Variants in VWA3B observed in about 807,000 individuals in gnomAD.
VWA3B encodes von Willebrand factor A domain-containing protein 3B.
Under a neutral mutation model 158.3 loss-of-function variants are expected in VWA3B, and 138 were observed. That is an observed-to-expected ratio of 0.87 (90% CI 0.76 to 1.00). VWA3B has a LOEUF of 1.00. VWA3B is among the 50% of genes least tolerant of loss of function. The pLI is 0.00. For synonymous variants in VWA3B, 596 were observed against 587.3 expected (o/e 1.01, Z -0.21); for missense variants, 1,555 against 1,565.1 (o/e 0.99, Z 0.11).
rs1681212159 is a variant in VWA3B at position 98,187,689 on chromosome 2, TGTG to T, written c.1312-285_1312-283del. ...CTGTGTGTGTGTGTGTGTGTGTGTGTGTGTGTGTGTGTGTCGGTTGGGGGTGTC... is the reference window on the plus strand; with the variant it reads ...CTGTGTGTGTGTGTGTGTGTGTGTGTTGTGTGTGTGTCGGTTGGGGGTGTC... On this transcript the variant is annotated intron_variant, in intron 9 of 27. Coordinates refer to ENST00000477737, the MANE Select transcript of VWA3B (RefSeq NM_144992.5). 1.8e-4 allele frequency among the ~76,000 whole-genome samples: 27 copies of T among 151,776 alleles called. No individual in the cohort carries two copies. In the South Asian group the frequency reaches 5.4e-3, roughly 31 times the overall value.
intron 1 of VWA3B, among the ~76,000 whole-genome samples, chr2:98,088,492 A>G (rs981448703): frequency 1.2e-4 from 19 of 152,080 alleles, no homozygotes; most frequent in African/African-American, 4.1e-4. Context: ...TTGCCTGCCC[A>G]CATTTTCAGC....
At chr2:98,089,503 G>C (rs950937490) in intron 1 of VWA3B, among the ~76,000 whole-genome samples, 1 of 151,834 alleles carries the variant, frequency 6.6e-6, no homozygotes, top group African/African-American at 2.4e-5. Flanking sequence ...GAAAGCAGGC[G>C]GGCTAGTGGG....
At chr2:98,274,607 C>A (rs192743985) in intron 22 of VWA3B, among the ~76,000 whole-genome samples, 1 of 152,190 alleles carries the variant, frequency 6.6e-6, no homozygotes, top group African/African-American at 2.4e-5. Flanking sequence ...AGACGTTGGG[C>A]ATGGGAGGAG....
intron 22 of VWA3B, among the ~76,000 whole-genome samples, chr2:98,288,118 T>C (rs956815586): frequency 6.6e-6 from 1 of 152,242 alleles, no homozygotes; most frequent in Non-Finnish European, 1.5e-5. Flanking sequence ...CCTTCCCAAT[T>C]TGGGACTCTA....
intron 9 of VWA3B, among the ~76,000 whole-genome samples, chr2:98,182,133 C>T (rs1436741218): frequency 6.6e-6 from 1 of 152,220 alleles, no homozygotes; most frequent in Non-Finnish European, 1.5e-5. Context: ...AGGCAGGTGA[C>T]AGGCGGGTGA....
At chr2:98,188,947 A>G (rs577524785) in intron 10 of VWA3B, among the ~76,000 whole-genome samples, 4 of 152,162 alleles carry the variant, frequency 2.6e-5, no homozygotes, top group Non-Finnish European at 5.9e-5. Context: ...TTCATACCTC[A>G]CATTCTTTTC....
intron 20 of VWA3B, among the ~76,000 whole-genome samples, chr2:98,251,280 T>A (rs565384816): frequency 6.6e-6 from 1 of 152,322 alleles, no homozygotes; most frequent in Admixed American, 6.5e-5. Flanking sequence ...AAAGTTTTCC[T>A]TTTAGCAGAA....
chr2:98,114,045 T>G (rs1036564114), intron 2 of VWA3B, among the ~76,000 whole-genome samples: 2 of 152,238 alleles, frequency 1.3e-5, no homozygotes, highest in African/African-American at 4.8e-5. Context: ...CCATTCCAGT[T>G]TCTGCATGTT....
At chr2:98,157,002 G>T (rs995096021) in intron 7 of VWA3B, among the ~76,000 whole-genome samples, 1 of 152,118 alleles carries the variant, frequency 6.6e-6, no homozygotes, top group East Asian at 1.9e-4. Flanking sequence ...TTTTCTAAAC[G>T]AATTTTGGAC....
downstream of VWA3B, among the ~76,000 whole-genome samples, chr2:98,317,783 C>G (rs1691119678): frequency 2.6e-5 from 4 of 152,240 alleles, no homozygotes; most frequent in South Asian, 8.3e-4. Flanking sequence ...ACCTTAGGCA[C>G]ATGTCCTCAG....
chr2:98,311,839 A>G lies in VWA3B; in HGVS notation c.3542A>G (p.Asn1181Ser), dbSNP rs752915888. 13 of 1,609,608 alleles carry G rather than the reference A, an allele frequency of 8.1e-6. No individual in the cohort carries two copies. In the East Asian group the frequency reaches 1.3e-4, roughly 17 times the overall value. The stretch of plus-strand genomic sequence containing the variant: ...TCTAGAGAGGATGTGGAGGCGAGGA[A>G]CTCTGCTTTCCTCTTCTGGCCACTG... ...DPEVEDVEAR[N>S]SAFLFWPLKE... The change falls in exon 27 of 28, where the codon AAC becomes AGC. Residue 1181 changes from asparagine (N) to serine (S), a missense_variant. Transcript: ENST00000477737.
intron 22 of VWA3B, among the ~76,000 whole-genome samples, chr2:98,273,253 T>G (rs10197019): frequency 0.043 from 6,482 of 152,300 alleles, 425 homozygotes; most frequent in African/African-American, 0.15. Flanking sequence ...ATTCTCTTTT[T>G]GATGCTCTAG....
intron 21 of VWA3B, among the ~76,000 whole-genome samples, chr2:98,258,791 C>T (rs982062260): frequency 6.6e-6 from 1 of 151,694 alleles, no homozygotes; most frequent in Admixed American, 6.6e-5. Context: ...AATAATTTTA[C>T]TTCTTTCTTT....
chr2:98,202,785 A>C (rs1416047163), intron 12 of VWA3B, among the ~76,000 whole-genome samples: 1 of 152,122 alleles, frequency 6.6e-6, no homozygotes, highest in Non-Finnish European at 1.5e-5. Context: ...TCTGTTTGGA[A>C]TTAACGTTTG....
intron 22 of VWA3B, among the ~76,000 whole-genome samples, chr2:98,286,744 T>A (rs1689186860): frequency 6.6e-6 from 1 of 152,152 alleles, no homozygotes; most frequent in South Asian, 2.1e-4. Flanking sequence ...CCTTTTCTTG[T>A]GATATATTTG....
chr2:98,207,089 G>T, intron 12 of VWA3B: 2 of 518,644 alleles, frequency 3.9e-6, no homozygotes, highest in South Asian at 3.0e-5. Context: ...ACCCATGCTG[G>T]CTCAAGGGTG....
At position 98,290,567 on chromosome 2, in the gene VWA3B, C is replaced by T; in HGVS notation, c.3102C>T (p.Pro1034=). Residue 1034 remains proline (P), a synonymous_variant, in exon 23 of 28, where the codon CCC becomes CCT. Coordinates refer to ENST00000477737, the MANE Select transcript of VWA3B (RefSeq NM_144992.5). ...TKKTKSKRPD[P]LKGQKVIARC... ...AAACCAAATCAAAAAGACCAGATCCCCTCAAAGGACAGAAGGTTATTGCAA... is the reference window on the plus strand; with the variant it reads ...AAACCAAATCAAAAAGACCAGATCCTCTCAAAGGACAGAAGGTTATTGCAA... The T allele has an allele frequency of 1.9e-6, 3 of 1,593,232 alleles. No individual in the cohort carries two copies. The highest frequency in any genetic ancestry group is 2.6e-6 in the Non-Finnish European group (3 of 1,174,426).
At chr2:98,200,841 T>G (rs184891797) in intron 12 of VWA3B, among the ~76,000 whole-genome samples, 4 of 152,246 alleles carry the variant, frequency 2.6e-5, no homozygotes, top group Non-Finnish European at 4.4e-5. Flanking sequence ...TTTGAGTTCA[T>G]TTTTGTATAA....
intron 25 of VWA3B, among the ~76,000 whole-genome samples, chr2:98,300,785 C>T (rs962379867): frequency 6.6e-6 from 1 of 152,112 alleles, no homozygotes; most frequent in African/African-American, 2.4e-5. Context: ...TCAGAGTGAA[C>T]ACAGGCATCT....
Sources: allele counts gnomAD v4.1 joint callset (sites outside exome capture counted in the v4.1 genomes callset), GRCh38; gene constraint gnomAD v4.1.1; transcripts MANE v1.5; gene names NCBI Gene and HGNC (gene_info 2026-07-23, HGNC 2026-07-21).